ZFHX3: variants seen among roughly 807,000 people sequenced by gnomAD.
ZFHX3 encodes zinc finger homeobox 3, also known as zinc finger homeobox protein 3.
A neutral mutation model predicts 279.1 loss-of-function variants in ZFHX3; 42 were observed. The observed-to-expected ratio is 0.15, with a 90% confidence interval of 0.12 to 0.19. The LOEUF (loss-of-function observed/expected upper bound fraction) is 0.19, where lower values mean the gene tolerates loss of function less well. Among genes scored for constraint, ZFHX3 ranks in the 10% least tolerant of loss-of-function variants. The probability of loss-of-function intolerance (pLI) is 1.00; values close to 1 mark genes in which losing one functional copy is unlikely to be tolerated. For missense variants in ZFHX3, 4,981 were observed against 4,754.0 expected, an observed-to-expected ratio of 1.05 and a Z score of -1.40; for synonymous variants, 2,293 against 1,957.8, an observed-to-expected ratio of 1.17 and a Z score of -4.52.
chr16:73,325,509 G>T, intron 3 of ZFHX3, among the ~76,000 whole-genome samples: 1 of 152,056 alleles, frequency 6.6e-6, no homozygotes, highest in East Asian at 1.9e-4. Context: ...CAATGACATG[G>T]ATCATATCCA....
At chr16:73,467,496 A>T (rs984830731) in intron 2 of ZFHX3, among the ~76,000 whole-genome samples, 2 of 152,214 alleles carry the variant, frequency 1.3e-5, no homozygotes. Context: ...TTCAGGGGGT[A>T]GTGCACCGAC....
intron 1 of ZFHX3, among the ~76,000 whole-genome samples, chr16:73,793,713 C>T (rs369698872): frequency 1.2e-4 from 18 of 152,134 alleles, no homozygotes; most frequent in Admixed American, 6.5e-4. Context: ...AAAGATCAGA[C>T]CTTCAGAAAA....
intron 2 of ZFHX3, among the ~76,000 whole-genome samples, chr16:73,566,632 C>T (rs934221371): frequency 6.6e-6 from 1 of 152,044 alleles, no homozygotes; most frequent in African/African-American, 2.4e-5. Context: ...GCAATCCTCC[C>T]ACCTCAGCTT....
chr16:73,285,674 A>G (rs2014578182), intron 4 of ZFHX3, among the ~76,000 whole-genome samples: 1 of 152,228 alleles, frequency 6.6e-6, no homozygotes, highest in African/African-American at 2.4e-5. Context: ...AATATATCCC[A>G]AGATGGGCGG....
chr16:73,356,436 T>C (rs775109046), intron 3 of ZFHX3, among the ~76,000 whole-genome samples: 1 of 152,002 alleles, frequency 6.6e-6, no homozygotes, highest in Non-Finnish European at 1.5e-5. Context: ...GTTGGCAAAG[T>C]CGGTGCTCTG....
At chr16:73,457,885 G>T (rs2018400850) in intron 2 of ZFHX3, among the ~76,000 whole-genome samples, 1 of 152,238 alleles carries the variant, frequency 6.6e-6, no homozygotes, top group African/African-American at 2.4e-5. Flanking sequence ...GCTCTGAAAA[G>T]CTTGATTGGA....
intron 2 of ZFHX3, among the ~76,000 whole-genome samples, chr16:73,565,011 G>C (rs984702245): frequency 2.6e-5 from 4 of 151,936 alleles, no homozygotes; most frequent in Admixed American, 2.0e-4. Flanking sequence ...CTACCATTTT[G>C]GGAGGCCAAG....
chr16:73,612,878 AT>A (rs1214567543), intron 2 of ZFHX3, among the ~76,000 whole-genome samples: 2 of 152,232 alleles, frequency 1.3e-5, no homozygotes, highest in Admixed American at 1.3e-4. Context: ...ATAGAAAAAA[AT>A]GATTTCGATG....
At chr16:73,567,914 C>T (rs1195944926) in intron 2 of ZFHX3, among the ~76,000 whole-genome samples, 1 of 152,066 alleles carries the variant, frequency 6.6e-6, no homozygotes, top group Non-Finnish European at 1.5e-5. Flanking sequence ...ATGTACTAAG[C>T]AAAATGTAGA....
intron 5 of ZFHX3, among the ~76,000 whole-genome samples, chr16:73,201,036 C>T (rs369773042): frequency 7.9e-5 from 12 of 152,282 alleles, no homozygotes; most frequent in African/African-American, 2.9e-4. Flanking sequence ...TTTCCCTGCT[C>T]TCAGTTCATT....
At chr16:73,457,156 C>A (rs1265684505) in intron 2 of ZFHX3, among the ~76,000 whole-genome samples, 1 of 152,198 alleles carries the variant, frequency 6.6e-6, no homozygotes, top group Non-Finnish European at 1.5e-5. Context: ...ACCAGCATAA[C>A]CCTCTTCCTA....
At chr16:73,403,663 A>C (rs1199214248) in intron 3 of ZFHX3, among the ~76,000 whole-genome samples, 2 of 152,170 alleles carry the variant, frequency 1.3e-5, no homozygotes, top group Admixed American at 6.5e-5. Context: ...AAAGGGTCTG[A>C]ACTGGGCGGG....
chr16:73,753,450 T>C (rs2053778643), intron 1 of ZFHX3, among the ~76,000 whole-genome samples: 1 of 152,176 alleles, frequency 6.6e-6, no homozygotes, highest in Non-Finnish European at 1.5e-5. Flanking sequence ...ACTTCTCCTT[T>C]CCTAGAAGGT....
At position 72,889,756 on chromosome 16, in the gene ZFHX3, G is replaced by T. The variant is rs756525974; in HGVS notation, c.3423C>A (p.Ile1141=). The T allele has an allele frequency of 7.4e-6, 12 of 1,612,704 alleles. No homozygotes were observed. In the South Asian group the frequency reaches 1.3e-4, roughly 18 times the overall value. ...EDEDLGQIFT[I]RRCPSTDPEE... The stretch of plus-strand genomic sequence containing the variant: ...CTGGGTCCGTGGAGGGGCACCTGCG[G>T]ATGGTGAAGATCTGCCCCAGGTCCT... The change falls in exon 4 of 10, where the codon ATC becomes ATA. Residue 1141 remains isoleucine (I), a synonymous_variant. Transcript: ENST00000268489.
At chr16:72,792,052 A>G (rs1464315569) in intron 9 of ZFHX3, among the ~76,000 whole-genome samples, 2 of 152,136 alleles carry the variant, frequency 1.3e-5, no homozygotes, top group African/African-American at 2.4e-5. Context: ...TGTGGGGGGA[A>G]TTTGCAGACT....
intron 7 of ZFHX3, among the ~76,000 whole-genome samples, chr16:73,098,394 C>G (rs1367491754): frequency 1.3e-5 from 2 of 151,820 alleles, no homozygotes; most frequent in Admixed American, 6.6e-5. Flanking sequence ...TGGAGTTTTG[C>G]TCTCTCACCT....
intron 2 of ZFHX3, among the ~76,000 whole-genome samples, chr16:73,552,519 A>T (rs1567516901): frequency 1.3e-5 from 2 of 152,236 alleles, no homozygotes; most frequent in Non-Finnish European, 2.9e-5. Flanking sequence ...CCTTGATTTT[A>T]AAACAGTTAG....
At chr16:73,293,292 C>T (rs969513893) in intron 4 of ZFHX3, among the ~76,000 whole-genome samples, 1 of 152,110 alleles carries the variant, frequency 6.6e-6, no homozygotes, top group African/African-American at 2.4e-5. Flanking sequence ...GACTCTGAAC[C>T]CCGCTAGACC....
chr16:72,848,738 A>C (rs760741076), intron 4 of ZFHX3, among the ~76,000 whole-genome samples: 13 of 144,048 alleles, frequency 9.0e-5, no homozygotes, highest in Non-Finnish European at 1.1e-4. Context: ...ATGCCTCCTC[A>C]TCTCCCCATG....
Sources: allele counts gnomAD v4.1 joint callset (sites outside exome capture counted in the v4.1 genomes callset), GRCh38; gene constraint gnomAD v4.1.1; transcripts MANE v1.5; gene names NCBI Gene and HGNC (gene_info 2026-07-23, HGNC 2026-07-21).